RAB27B: variants seen among roughly 807,000 people sequenced by gnomAD.
The protein encoded by RAB27B is RAB27B, member RAS oncogene family.
RAB27B carries 15 observed loss-of-function variants against 24.6 expected under a neutral mutation model. The observed-to-expected ratio is 0.61, with a 90% CI of 0.41 to 0.94. The LOEUF is 0.94. RAB27B is among the 40% of genes least tolerant of loss of function. RAB27B has a pLI of 0.00. For missense variants in RAB27B, 261 were observed against 266.8 expected, an observed-to-expected ratio of 0.98 and a Z score of 0.15; for synonymous variants, 105 against 92.5, an observed-to-expected ratio of 1.14 and a Z score of -0.78.
intron 2 of RAB27B, among the ~76,000 whole-genome samples, chr18:54,735,561 G>A (rs1191523344): frequency 6.6e-6 from 1 of 152,000 alleles, no homozygotes; most frequent in Non-Finnish European, 1.5e-5. Flanking sequence ...TCACTCTGTT[G>A]CCCAGGCTGG....
intron 2 of RAB27B, among the ~76,000 whole-genome samples, chr18:54,780,574 G>A (rs1299939469): frequency 3.3e-5 from 5 of 152,100 alleles, no homozygotes; most frequent in African/African-American, 1.2e-4. Flanking sequence ...GCACTTAAAT[G>A]TCTGTTTCCT....
chr18:54,837,500 A>G (rs1910942228), intron 1 of RAB27B, among the ~76,000 whole-genome samples: 1 of 152,072 alleles, frequency 6.6e-6, no homozygotes. Flanking sequence ...TGGTTATTCA[A>G]TTGCATACGT....
intron 2 of RAB27B, among the ~76,000 whole-genome samples, chr18:54,814,232 C>T (rs1445720246): frequency 6.6e-6 from 1 of 152,192 alleles, no homozygotes; most frequent in African/African-American, 2.4e-5. Context: ...ATGACAACTA[C>T]TTTGTCACAG....
intron 2 of RAB27B, among the ~76,000 whole-genome samples, chr18:54,775,015 T>A (rs931424464): frequency 7.9e-5 from 12 of 152,232 alleles, no homozygotes; most frequent in Admixed American, 7.2e-4. Flanking sequence ...GCCTGTGTGC[T>A]GTCGGGAGCT....
intron 2 of RAB27B, 47 bp downstream of exon 2, chr18:54,877,785 T>A (rs761638374): frequency 6.0e-6 from 9 of 1,506,870 alleles, no homozygotes; most frequent in South Asian, 1.4e-5. Flanking sequence ...TCCCCCTATA[T>A]AAAATAAGAA....
chr18:54,721,758 G>A (rs138026333), intron 2 of RAB27B, among the ~76,000 whole-genome samples: 204 of 152,230 alleles, frequency 1.3e-3, no homozygotes, highest in Non-Finnish European at 2.3e-3. Flanking sequence ...TATCTGATGA[G>A]TGCTAACTGG....
At chr18:54,812,791 A>G (rs1183741604) in intron 2 of RAB27B, among the ~76,000 whole-genome samples, 12 of 152,218 alleles carry the variant, frequency 7.9e-5, no homozygotes, top group African/African-American at 1.2e-4. Flanking sequence ...TAGTGTGAGG[A>G]AAACAAAATA....
chr18:54,769,506 A>T (rs148907947), intron 2 of RAB27B, among the ~76,000 whole-genome samples: 1 of 151,944 alleles, frequency 6.6e-6, no homozygotes, highest in African/African-American at 2.4e-5. Flanking sequence ...ATCCTCTGCA[A>T]CAGTAATATT....
intron 4 of RAB27B, among the ~76,000 whole-genome samples, chr18:54,887,421 A>T (rs1184802131): frequency 6.6e-6 from 1 of 152,000 alleles, no homozygotes; most frequent in Non-Finnish European, 1.5e-5. Flanking sequence ...TTATTAGAAG[A>T]TATGCTGTAT....
chr18:54,871,560 A>T (rs1912464491), intron 1 of RAB27B, among the ~76,000 whole-genome samples: 1 of 152,196 alleles, frequency 6.6e-6, no homozygotes, highest in African/African-American at 2.4e-5. Flanking sequence ...TATGGCTGAT[A>T]CCTTATCTGC....
chr18:54,888,452 C>CA (rs1913235393), intron 5 of RAB27B, among the ~76,000 whole-genome samples: 1 of 152,122 alleles, frequency 6.6e-6, no homozygotes, highest in Admixed American at 6.6e-5. Flanking sequence ...CAGTTAGTGA[C>CA]AGGCAGAGCT....
chr18:54,832,327 G>A (rs910899032), intron 1 of RAB27B, among the ~76,000 whole-genome samples: 1 of 152,120 alleles, frequency 6.6e-6, no homozygotes, highest in Admixed American at 6.5e-5. Flanking sequence ...ATGATCAACA[G>A]GATTCCTACT....
At chr18:54,722,597 G>C (rs546667543) in intron 2 of RAB27B, among the ~76,000 whole-genome samples, 1 of 152,260 alleles carries the variant, frequency 6.6e-6, no homozygotes, top group African/African-American at 2.4e-5. Flanking sequence ...AATTGATAAA[G>C]ATCAGTATTT....
intron 1 of RAB27B, among the ~76,000 whole-genome samples, chr18:54,846,347 A>G (rs907616927): frequency 6.6e-6 from 1 of 152,252 alleles, no homozygotes; most frequent in East Asian, 1.9e-4. Flanking sequence ...CAGGAGCCTA[A>G]TCCCATTTCC....
Position 54,767,776 on chromosome 18 carries a change from G to A in RAB27B, c.-20+49635G>A, listed in dbSNP as rs372525923. On this transcript the variant is annotated intron_variant, in intron 2 of 4. Transcript: ENST00000586570. ...AGCATAAATGCCACCCTTGGCACAT[G>A]GAATGCTGCAATAATTGTATGACTG... is the stretch of plus-strand genomic sequence containing the variant. Among the ~76,000 whole-genome samples the A allele has an allele frequency of 9.2e-5, 14 of 152,262 alleles. No homozygotes were observed. In the East Asian group the frequency reaches 2.1e-3, roughly 23 times the overall value.
At chr18:54,785,810 G>C (rs1194815862) in intron 2 of RAB27B, among the ~76,000 whole-genome samples, 1 of 152,150 alleles carries the variant, frequency 6.6e-6, no homozygotes, top group Non-Finnish European at 1.5e-5. Context: ...TGAACAGTTA[G>C]GGGCCAGCGA....
chr18:54,819,588 GTTTA>G (rs750498113), intron 2 of RAB27B, among the ~76,000 whole-genome samples: 9 of 149,464 alleles, frequency 6.0e-5, no homozygotes, highest in Non-Finnish European at 1.2e-4. Context: ...TAATTATAAG[GTTTA>G]TTTATTTTTT....
chr18:54,772,482 G>T (rs1453080653), intron 2 of RAB27B, among the ~76,000 whole-genome samples: 1 of 152,186 alleles, frequency 6.6e-6, no homozygotes. Flanking sequence ...GCTTATCCAT[G>T]TTGATTGTTC....
intron 2 of RAB27B, among the ~76,000 whole-genome samples, chr18:54,731,975 T>C (rs762949767): frequency 3.7e-4 from 57 of 152,194 alleles, no homozygotes; most frequent in Admixed American, 5.9e-4. Flanking sequence ...AAATTCAAAC[T>C]AGATCAAAAT....
Sources: gnomAD v4.1 joint callset for allele counts (sites outside exome capture counted in the v4.1 genomes callset) on GRCh38, gnomAD v4.1.1 for gene constraint, MANE v1.5 for transcripts, NCBI Gene and HGNC (gene_info 2026-07-23, HGNC 2026-07-21) for gene names.